DAB2: variants seen among roughly 807,000 people sequenced by gnomAD.
The protein encoded by DAB2 is disabled homolog 2.
A neutral mutation model predicts 71.6 loss-of-function variants in DAB2; 28 were observed. That is an observed-to-expected ratio of 0.39 (90% CI 0.29 to 0.54). The LOEUF is 0.54. DAB2 is among the 20% of genes least tolerant of loss of function. DAB2 has a pLI of 0.68. For missense variants in DAB2, 867 were observed against 928.8 expected (o/e 0.93, Z 0.86); for synonymous variants, 345 against 339.7 (o/e 1.02, Z -0.17).
At chr5:39,389,809 GC>G in intron 6 of DAB2, 42 bp downstream of exon 6, 1 of 1,181,628 alleles carries the variant, frequency 8.5e-7, no homozygotes, top group Non-Finnish European at 1.2e-6. Context: ...ACCATGCCCA[GC>G]CAGTTTTAAA....
intron 4 of DAB2, 43 bp from the exon 5 acceptor site, chr5:39,390,618 A>G (rs1755205001): frequency 6.6e-7 from 1 of 1,516,522 alleles, no homozygotes; most frequent in Admixed American, 1.8e-5. Flanking sequence ...GAAAACTAGA[A>G]TCTATTTGCA....
intron 1 of DAB2, chr5:39,417,846 G>A (rs548755487): frequency 1.5e-4 from 23 of 152,270 alleles, no homozygotes; most frequent in African/African-American, 5.1e-4. Flanking sequence ...AGAAGACAGC[G>A]TGGACATTAA....
intron 14 of DAB2, 151 bp downstream of exon 14, chr5:39,374,863 A>G (rs1000502257): frequency 7.6e-5 from 48 of 633,342 alleles, no homozygotes; most frequent in Non-Finnish European, 2.0e-5. Flanking sequence ...TCATTATTGA[A>G]TGATCTCAGT....
At chr5:39,421,177 G>T (rs3849769) in intron 1 of DAB2, among the ~76,000 whole-genome samples, 1 of 151,950 alleles carries the variant, frequency 6.6e-6, no homozygotes, top group African/African-American at 2.4e-5. Context: ...ACAAGCAAAC[G>T]CACTGGCTTT....
At position 39,394,323 on chromosome 5, in the gene DAB2, CAAG is replaced by C. The variant is rs948634546; in HGVS notation, c.-6_-4del. 1.9e-6 allele frequency: 3 copies of C among 1,613,428 alleles called. No individual in the cohort carries two copies. In the African/African-American group the frequency reaches 4.0e-5, roughly 22 times the overall value. On this transcript the variant is annotated 5_prime_UTR_variant, in exon 2 of 15. Coordinates refer to ENST00000320816, the MANE Select transcript of DAB2 (RefSeq NM_001343.4). ...CTTGTTTCTACTTCGTTAGACATGGCAAGAAGGCAGGCAGCAAACCTCAGTACC... is the reference window on the plus strand; with the variant it reads ...CTTGTTTCTACTTCGTTAGACATGGCAAGGCAGGCAGCAAACCTCAGTACC...
intron 1 of DAB2, among the ~76,000 whole-genome samples, chr5:39,408,226 G>A (rs184847053): frequency 8.3e-4 from 127 of 152,306 alleles, no homozygotes; most frequent in Non-Finnish European, 1.5e-3. Context: ...CAGGTGGAAC[G>A]TATTTTTTGT....
intron 1 of DAB2, among the ~76,000 whole-genome samples, chr5:39,399,497 A>G (rs1164998663): frequency 6.6e-6 from 1 of 152,236 alleles, no homozygotes; most frequent in Non-Finnish European, 1.5e-5. Flanking sequence ...CAGATAGAAC[A>G]GAAAGCTGTA....
At chr5:39,374,455 C>T (rs1561363336) in intron 14 of DAB2, among the ~76,000 whole-genome samples, 1 of 152,158 alleles carries the variant, frequency 6.6e-6, no homozygotes, top group Non-Finnish European at 1.5e-5. Context: ...AACCTTCAGA[C>T]TCATTTTGAG....
intron 1 of DAB2, among the ~76,000 whole-genome samples, chr5:39,404,873 T>A (rs1462163335): frequency 6.6e-6 from 1 of 152,214 alleles, no homozygotes; most frequent in Non-Finnish European, 1.5e-5. Context: ...GCCACTGCAC[T>A]TGGCCTTTAG....
chr5:39,395,937 C>CTTTTTTTT (rs3024228), intron 1 of DAB2, among the ~76,000 whole-genome samples: 13,384 of 74,648 alleles, frequency 0.18, 4,483 homozygotes, highest in Non-Finnish European at 0.2. Flanking sequence ...CACAGATATT[C>CTTTTTTTT]TTTTTTTTTT....
intron 1 of DAB2, 102 bp from the exon 2 acceptor site, chr5:39,394,523 G>C (rs1755310746): frequency 3.5e-6 from 2 of 568,592 alleles, no homozygotes; most frequent in Non-Finnish European, 6.2e-6. Context: ...GTAGTTCTTT[G>C]GACTCATTTT....
Position 39,383,262 on chromosome 5 carries a change from CTT to C in DAB2, c.695_696del (p.Lys232ArgfsTer10). 1 of 1,601,128 alleles carries C rather than the reference CTT, an allele frequency of 6.2e-7. No individual in the cohort carries two copies. The highest frequency in any genetic ancestry group is 8.5e-7 in the Non-Finnish European group (1 of 1,172,360). ...GAGTTTAGATCCACTAACAGGATAT[CTT>C]TGCTTTCCTATCACATTTGGAAAGA... is the stretch of plus-strand genomic sequence containing the variant. Reference protein sequence around the residue: ...PPDLNSPTESKDILLVDLNSE... With the variant: ...PPDLNSPTESXDILLVDLNSE... On this transcript the variant is annotated frameshift_variant, in exon 10 of 15. Transcript: ENST00000320816. LOFTEE classifies it high-confidence loss of function.
chr5:39,401,192 C>CTA (rs576536841), intron 1 of DAB2, among the ~76,000 whole-genome samples: 14 of 152,182 alleles, frequency 9.2e-5, no homozygotes, highest in Non-Finnish European at 1.5e-4. Context: ...AGGAATGAGA[C>CTA]TATGCTAATG....
chr5:39,407,604 T>C (rs935688431), intron 1 of DAB2, among the ~76,000 whole-genome samples: 1 of 152,228 alleles, frequency 6.6e-6, no homozygotes, highest in Non-Finnish European at 1.5e-5. Flanking sequence ...GAAATAATCC[T>C]GAATTAAGTC....
At chr5:39,413,974 G>A (rs912975587) in intron 1 of DAB2, among the ~76,000 whole-genome samples, 3 of 152,150 alleles carry the variant, frequency 2.0e-5, no homozygotes, top group African/African-American at 7.2e-5. Context: ...AGTGCCCATA[G>A]TCAGCTGTCA....
chr5:39,375,687 C>T (rs1754809673), intron 13 of DAB2, among the ~76,000 whole-genome samples: 1 of 152,018 alleles, frequency 6.6e-6, no homozygotes, highest in African/African-American at 2.4e-5. Context: ...GAGTTTGAGA[C>T]CAGTCTGGCC....
At chr5:39,386,515 T>A (rs1755103201) in intron 9 of DAB2, among the ~76,000 whole-genome samples, 1 of 152,184 alleles carries the variant, frequency 6.6e-6, no homozygotes, top group Non-Finnish European at 1.5e-5. Context: ...CTGTTAGCCT[T>A]CTTTTGGTTA....
At chr5:39,389,201 T>C (rs1579908586) in intron 6 of DAB2, 78 bp from the exon 7 acceptor site, 6 of 1,132,032 alleles carry the variant, frequency 5.3e-6, no homozygotes, top group East Asian at 4.7e-5. Context: ...AGTATGCCTA[T>C]GGTTCACAGG....
At chr5:39,408,478 C>G (rs1422115047) in intron 1 of DAB2, 2 of 152,136 alleles carry the variant, frequency 1.3e-5, no homozygotes, top group African/African-American at 4.8e-5. Context: ...CATCCACAAC[C>G]AACATGGCAG....
Sources: gnomAD v4.1 joint callset for allele counts (sites outside exome capture counted in the v4.1 genomes callset) on GRCh38, gnomAD v4.1.1 for gene constraint, MANE v1.5 for transcripts, NCBI Gene and HGNC (gene_info 2026-07-23, HGNC 2026-07-21) for gene names.